USP33: variants seen among roughly 807,000 people sequenced by gnomAD.
The protein encoded by USP33 is ubiquitin carboxyl-terminal hydrolase 33.
USP33 carries 46 observed loss-of-function variants against 124.2 expected under a neutral mutation model. The observed-to-expected ratio is 0.37, with a 90% CI of 0.29 to 0.47. USP33 has a LOEUF of 0.47. USP33 is among the 20% of genes least tolerant of loss of function. USP33 has a pLI of 0.99. For missense variants in USP33, 851 were observed against 1,070.6 expected (o/e 0.79, Z 2.86); for synonymous variants, 350 against 352.3 (o/e 0.99, Z 0.07).
In USP33 at chr1:77,740,936, T is replaced by C; in HGVS notation, c.139A>G (p.Arg47Gly). 5 of 1,546,634 alleles carry C rather than the reference T, an allele frequency of 3.2e-6. No homozygotes were observed. Among genetic ancestry groups the C allele is most frequent in the Non-Finnish European group, 4.4e-6 (5 of 1,141,160 alleles). Residue 47 changes from arginine (R) to glycine (G), a missense_variant, in exon 4 of 24, where the codon AGA becomes GGA. Physicochemically the swap from Arg to Gly is moderately radical, Grantham distance 125. Coordinates refer to ENST00000370794, the MANE Select transcript of USP33 (RefSeq NM_201624.3). ...GPNLWACLENRCSYVGCGESQ... is the reference protein window; with the variant it reads ...GPNLWACLENGCSYVGCGESQ... ...TCACCACAGCCAACATATGAACATC[T>C]ATTCTATAAATAATTATATAGGAAG...
At chr1:77,715,906 A>G (rs1364089677) in intron 17 of USP33, 38 bp from the exon 18 acceptor site, 1 of 1,592,828 alleles carries the variant, frequency 6.3e-7, no homozygotes, top group South Asian at 1.1e-5. Flanking sequence ...CAGTAATACA[A>G]AAACAACAGA....
rs758867180 is a variant in USP33, at chr1:77,697,328, G to A, written c.2725C>T (p.Arg909Trp). 4.4e-6 allele frequency: 7 copies of A among 1,600,902 alleles called. No individual in the cohort carries two copies. Among genetic ancestry groups the A allele is most frequent in the Middle Eastern group, 1.7e-4 (1 of 5,980 alleles). ...CTACATCCTAAAAATTACAAAGACC[G>A]AGTTTCTACTTCAATTTTTTCTTCT... ...QAEEKIEVET[R>W]SL is the part of the protein sequence containing the mutation. The change falls in exon 24 of 24, where the codon CGG becomes TGG. Residue 909 changes from arginine to tryptophan, a missense_variant. By Grantham distance (101) the Arg-to-Trp change is moderately radical (BLOSUM62 -3). Around this residue, in one of 4 missense-constraint regions of USP33, gnomAD observed 142 missense variants for 141.8 expected, o/e 1.00. Coordinates refer to ENST00000370794, the MANE Select transcript of USP33 (RefSeq NM_201624.3).
intron 12 of USP33, among the ~76,000 whole-genome samples, chr1:77,723,118 C>T (rs1427632075): frequency 6.6e-6 from 1 of 152,154 alleles, no homozygotes; most frequent in African/African-American, 2.4e-5. Flanking sequence ...ATGTGCCTGT[C>T]CAATGATGGG....
chr1:77,701,618 G>C, intron 21 of USP33, 147 bp from the exon 22 acceptor site: 2 of 611,718 alleles, frequency 3.3e-6, no homozygotes, highest in Non-Finnish European at 5.7e-6. Context: ...TTCCAAACCA[G>C]TCTGGGCAAC....
At chr1:77,711,932 G>A in intron 20 of USP33, 77 bp from the exon 21 acceptor site, 1 of 1,332,200 alleles carries the variant, frequency 7.5e-7, no homozygotes, top group Non-Finnish European at 1.0e-6. Flanking sequence ...CAAATACCCA[G>A]TAAAAATAAA....
rs374039362 is a variant in USP33, at chr1:77,723,305, G to A, written c.1389+26C>T. 3.4e-6 allele frequency: 5 copies of A among 1,488,160 alleles called. No individual in the cohort carries two copies. In the South Asian group the frequency reaches 4.7e-5, roughly 14 times the overall value. The allele number at this position is 1,488,160 out of a possible 1,614,324, so 92.2% of individuals were successfully genotyped here. A position where few individuals can be genotyped will look rare whatever the true frequency, so the allele number is the denominator to read the frequency against. On this transcript the variant is annotated intron_variant, in intron 12 of 23. Transcript: ENST00000370794. ...AAAAATCATTTGACACGAATTTTCT[G>A]TGTATTCTAATACCCTCATACTCAC...
In USP33 at chr1:77,697,427, A is replaced by G. The variant is rs764833080; in HGVS notation, c.2626T>C (p.Ser876Pro). The G allele has an allele frequency of 6.2e-7, 1 of 1,609,846 alleles. No homozygotes were observed. The highest frequency in any genetic ancestry group is 1.1e-5 in the South Asian group (1 of 89,802). The change falls in exon 24 of 24, where the codon TCT (serine) becomes CCT (proline). Residue 876 changes from serine (S) to proline (P), a missense_variant. This residue lies in a region of USP33 where 142 missense variants were observed against 141.8 expected (regional missense o/e 1.00). Transcript: ENST00000370794. The part of the protein sequence containing the change: ...ISEETWNFLQ[S>P]IYGGGPEVIL... ...ACTTCAGGCCCTCCACCATAAATAG[A>G]CTGCAGAAAATTCCATGTTTCTTCA...
intron 1 of USP33, among the ~76,000 whole-genome samples, chr1:77,747,026 T>G (rs373412386): frequency 6.6e-6 from 1 of 152,152 alleles, no homozygotes; most frequent in South Asian, 2.1e-4. Flanking sequence ...TCTTTTGCCC[T>G]TTTTACTATT....
rs557893853 is a variant in USP33 at position 77,726,184 on chromosome 1, A to G, written c.1136-422T>C. ...AGGCTGGTCTCAAAGTCCTGGCCTCAAGTGATCCACCCACTTTGGCCTCCC... is the reference window on the plus strand; with the variant it reads ...AGGCTGGTCTCAAAGTCCTGGCCTCGAGTGATCCACCCACTTTGGCCTCCC... On this transcript the variant is annotated intron_variant, in intron 10 of 23. Coordinates refer to ENST00000370794, the MANE Select transcript of USP33 (RefSeq NM_201624.3). Among the ~76,000 whole-genome samples, 111 of 152,276 alleles carry G rather than the reference A, an allele frequency of 7.3e-4. 2 individuals carry two copies. The Middle Eastern group carries it at 0.027, about 37-fold the overall frequency.
intron 18 of USP33, 144 bp downstream of exon 18, chr1:77,715,598 G>A: frequency 2.3e-6 from 2 of 881,254 alleles, no homozygotes; most frequent in Non-Finnish European, 3.4e-6. Flanking sequence ...TACATATACA[G>A]CCTTTCACTG....
In USP33 at chr1:77,717,011, G is replaced by A. The variant is rs1482969609; in HGVS notation, c.1918+856C>T. On this transcript the variant is annotated intron_variant, in intron 17 of 23. Transcript: ENST00000370794. ...CTCCCGAGTAGCTGGGATTACAGGC[G>A]CCTGCCATCATGCTTGGCTAATTTT... 4.0e-5 allele frequency among the ~76,000 whole-genome samples: 6 copies of A among 151,758 alleles called. No homozygotes were observed. The South Asian group carries it at 6.2e-4, about 16-fold the overall frequency.
At chr1:77,719,650 T>C (rs1183502416) in intron 15 of USP33, among the ~76,000 whole-genome samples, 1 of 150,808 alleles carries the variant, frequency 6.6e-6, no homozygotes, top group Non-Finnish European at 1.5e-5. Flanking sequence ...GTCAGGAGTT[T>C]AAGACCAGCC....
At chr1:77,699,841 A>G (rs1299620661) in intron 22 of USP33, among the ~76,000 whole-genome samples, 1 of 152,244 alleles carries the variant, frequency 6.6e-6, no homozygotes, top group Non-Finnish European at 1.5e-5. Context: ...GTAAATATAC[A>G]CTATGGAATA....
At chr1:77,730,000 T>A in intron 8 of USP33, 62 bp from the exon 9 acceptor site, 1 of 1,355,994 alleles carries the variant, frequency 7.4e-7, no homozygotes, top group Non-Finnish European at 1.0e-6. Flanking sequence ...TTTTAAAAAT[T>A]AACTACCAAT....
chr1:77,723,739 C>T (rs1297429032), intron 11 of USP33, among the ~76,000 whole-genome samples: 1 of 152,112 alleles, frequency 6.6e-6, no homozygotes, highest in Non-Finnish European at 1.5e-5. Context: ...TCTCGGCTCA[C>T]TGCCAAGTTC....
chr1:77,698,321 C>T (rs368758625), intron 22 of USP33, among the ~76,000 whole-genome samples: 1 of 151,526 alleles, frequency 6.6e-6, no homozygotes, highest in South Asian at 2.1e-4. Context: ...GATCTACCCA[C>T]CTCAGCCTCC....
chr1:77,730,891 C>A (rs1677729866), intron 7 of USP33, among the ~76,000 whole-genome samples, 160 bp from the exon 8 acceptor site: 1 of 152,178 alleles, frequency 6.6e-6, no homozygotes, highest in Admixed American at 6.5e-5. Context: ...AGAGCTCAAT[C>A]CATTCAAATC....
At chr1:77,723,559 T>C in intron 11 of USP33, 116 bp from the exon 12 acceptor site, 2 of 655,152 alleles carry the variant, frequency 3.1e-6, no homozygotes. Context: ...CCTTAAACTG[T>C]AAAAATTACT....
chr1:77,747,674 C>T (rs951012460), intron 1 of USP33, among the ~76,000 whole-genome samples: 1 of 152,040 alleles, frequency 6.6e-6, no homozygotes, highest in African/African-American at 2.4e-5. Context: ...TTAAATATGC[C>T]TCTTGTAATA....
Sources: gnomAD v4.1 joint callset for allele counts (sites outside exome capture counted in the v4.1 genomes callset) on GRCh38, gnomAD v4.1.1 for gene constraint, gnomAD v4.1.1 regional missense constraint, MANE v1.5 for transcripts, NCBI Gene and HGNC (gene_info 2026-07-23, HGNC 2026-07-21) for gene names.